MAN1A2: variants seen among roughly 807,000 people sequenced by gnomAD.
The protein encoded by MAN1A2 is mannosyl-oligosaccharide 1,2-alpha-mannosidase IB.
Under a neutral mutation model 75.7 loss-of-function variants are expected in MAN1A2, and 26 were observed. That is an observed-to-expected ratio of 0.34 (90% CI 0.25 to 0.48). MAN1A2 has a LOEUF of 0.48. Among genes scored for constraint, MAN1A2 ranks in the 20% least tolerant of loss-of-function variants. MAN1A2 has a pLI of 0.99. For missense variants in MAN1A2, 562 were observed against 775.5 expected (o/e 0.72, Z 3.27); for synonymous variants, 247 against 264.6 (o/e 0.93, Z 0.65).
intron 12 of MAN1A2, chr1:117,514,846 A>C: frequency 1.9e-6 from 1 of 533,032 alleles, no homozygotes. Context: ...CTGGATCTTG[A>C]AGTTAGCCTC....
At chr1:117,456,999 A>G (rs1463908930) in intron 6 of MAN1A2, among the ~76,000 whole-genome samples, 1 of 152,086 alleles carries the variant, frequency 6.6e-6, no homozygotes, top group Non-Finnish European at 1.5e-5. Flanking sequence ...ATGCATTTCA[A>G]TATCAGTGTG....
intron 4 of MAN1A2, among the ~76,000 whole-genome samples, chr1:117,418,197 C>CACTGTTCT (rs1214921007): frequency 6.6e-6 from 1 of 152,086 alleles, no homozygotes; most frequent in Non-Finnish European, 1.5e-5. Context: ...ATGCAACAGG[C>CACTGTTCT]ACTGTTCTAG....
intron 1 of MAN1A2, 26 bp from the exon 2 acceptor site, chr1:117,402,159 AC>A (rs1269799651): frequency 1.4e-5 from 23 of 1,588,624 alleles, no homozygotes; most frequent in Non-Finnish European, 2.0e-5. Flanking sequence ...GCTCACTGTT[AC>A]GTTTTATTTC....
At chr1:117,472,196 C>T (rs1645559486) in intron 8 of MAN1A2, among the ~76,000 whole-genome samples, 1 of 151,904 alleles carries the variant, frequency 6.6e-6, no homozygotes, top group Admixed American at 6.6e-5. Context: ...TCCGCCTTCT[C>T]TATGTCCTCT....
chr1:117,432,940 ATTC>A (rs960247140), intron 5 of MAN1A2, among the ~76,000 whole-genome samples: 13 of 148,606 alleles, frequency 8.7e-5, no homozygotes, highest in Non-Finnish European at 1.8e-4. Flanking sequence ...GATCTTTTAT[ATTC>A]TTTTTATATA....
intron 1 of MAN1A2, among the ~76,000 whole-genome samples, chr1:117,392,488 T>A (rs1221259599): frequency 6.6e-6 from 1 of 152,202 alleles, no homozygotes. Context: ...GTGGTATTTA[T>A]TTTCTCTTTC....
chr1:117,386,159 A>G (rs537841913), intron 1 of MAN1A2, among the ~76,000 whole-genome samples: 34 of 152,364 alleles, frequency 2.2e-4, no homozygotes, highest in African/African-American at 8.2e-4. Flanking sequence ...TGGCAGCTTA[A>G]GCAACATAAA....
intron 5 of MAN1A2, among the ~76,000 whole-genome samples, chr1:117,436,958 A>T (rs1648869276): frequency 6.6e-6 from 1 of 152,196 alleles, no homozygotes. Flanking sequence ...TGAGTTTTAA[A>T]ATTATTATTT....
intron 1 of MAN1A2, among the ~76,000 whole-genome samples, chr1:117,383,692 A>C (rs1653427084): frequency 6.6e-6 from 1 of 151,958 alleles, no homozygotes; most frequent in Non-Finnish European, 1.5e-5. Context: ...GAATTTGTCC[A>C]CTTCATGTAG....
At chr1:117,411,026 T>C (rs1392908659) in intron 3 of MAN1A2, among the ~76,000 whole-genome samples, 1 of 151,802 alleles carries the variant, frequency 6.6e-6, no homozygotes, top group Non-Finnish European at 1.5e-5. Flanking sequence ...GTTAATTCTT[T>C]CTAAATTTAT....
chr1:117,401,569 C>G (rs909988955), intron 1 of MAN1A2, among the ~76,000 whole-genome samples: 1 of 152,120 alleles, frequency 6.6e-6, no homozygotes, highest in Non-Finnish European at 1.5e-5. Context: ...GTTTCCAAAT[C>G]TGTGTGTACA....
chr1:117,370,416 G>A (rs1652921667), intron 1 of MAN1A2, among the ~76,000 whole-genome samples: 1 of 152,156 alleles, frequency 6.6e-6, no homozygotes, highest in Non-Finnish European at 1.5e-5. Flanking sequence ...AGGTGGCAAA[G>A]GATCCTTGTG....
rs1647587856 is a variant in MAN1A2, at chr1:117,405,576, A to G, written c.586A>G (p.Arg196Gly). The G allele has an allele frequency of 1.9e-6, 3 of 1,604,128 alleles. No individual in the cohort carries two copies. Among genetic ancestry groups the G allele is most frequent in the Non-Finnish European group, 2.6e-6 (3 of 1,171,146 alleles). ...GATGAAACATGCTTGGGATAACTAT[A>G]GGACATATGGGTGGGGACATAATGA... ...EMMKHAWDNY[R>G]TYGWGHNELR... The change falls in exon 3 of 13, where the codon AGG (arginine) becomes GGG (glycine). Residue 196 changes from arginine (R) to glycine (G), a missense_variant. Around this residue, in one of 2 missense-constraint regions of MAN1A2, gnomAD observed 434 missense variants for 645.7 expected, o/e 0.67. Coordinates refer to ENST00000356554, the MANE Select transcript of MAN1A2 (RefSeq NM_006699.5).
At chr1:117,410,947 G>T (rs1647798437) in intron 3 of MAN1A2, among the ~76,000 whole-genome samples, 1 of 151,782 alleles carries the variant, frequency 6.6e-6, no homozygotes, top group Non-Finnish European at 1.5e-5. Context: ...GTTTTTGAGA[G>T]AAATTTAAAA....
At chr1:117,425,546 T>C (rs1188721433) in intron 5 of MAN1A2, among the ~76,000 whole-genome samples, 1 of 152,228 alleles carries the variant, frequency 6.6e-6, no homozygotes, top group Non-Finnish European at 1.5e-5. Flanking sequence ...GCTGGTTTGA[T>C]GTTCAAAAAT....
At chr1:117,440,371 G>A (rs1329146337) in intron 5 of MAN1A2, among the ~76,000 whole-genome samples, 1 of 152,090 alleles carries the variant, frequency 6.6e-6, no homozygotes, top group Middle Eastern at 3.2e-3. Context: ...CTGAGGGACA[G>A]AACTGAAAAA....
chr1:117,443,305 T>G (rs1305145567), intron 6 of MAN1A2, among the ~76,000 whole-genome samples: 1 of 152,218 alleles, frequency 6.6e-6, no homozygotes, highest in African/African-American at 2.4e-5. Context: ...AATCTAACTT[T>G]ACTATCTCTG....
At chr1:117,439,999 G>A (rs1648978072) in intron 5 of MAN1A2, among the ~76,000 whole-genome samples, 1 of 152,120 alleles carries the variant, frequency 6.6e-6, no homozygotes, top group African/African-American at 2.4e-5. Flanking sequence ...ATATACTGTA[G>A]AAACAAATTA....
chr1:117,466,669 T>C (rs769808493), intron 8 of MAN1A2, among the ~76,000 whole-genome samples: 11 of 152,152 alleles, frequency 7.2e-5, no homozygotes, highest in Non-Finnish European at 1.6e-4. Flanking sequence ...TGCTAAAATA[T>C]AGTGTGGCAG....
Sources: gnomAD v4.1 joint callset for allele counts (sites outside exome capture counted in the v4.1 genomes callset) on GRCh38, gnomAD v4.1.1 for gene constraint, gnomAD v4.1.1 regional missense constraint, MANE v1.5 for transcripts, NCBI Gene and HGNC (gene_info 2026-07-23, HGNC 2026-07-21) for gene names.